Variants in SCARF1 observed in about 807,000 individuals in gnomAD.
The protein encoded by SCARF1 is scavenger receptor class F member 1, also known as acetyl LDL receptor.
SCARF1 carries 49 observed loss-of-function variants against 76.3 expected under a neutral mutation model. That is an observed-to-expected ratio of 0.64 (90% CI 0.51 to 0.81). The LOEUF is 0.81. SCARF1 is among the 40% of genes least tolerant of loss of function. The pLI is 0.00. For missense variants in SCARF1, 1,098 were observed against 1,143.9 expected (o/e 0.96, Z 0.58); for synonymous variants, 495 against 474.6 (o/e 1.04, Z -0.56).
At chr17:1,642,146 C>T (rs574784724) in intron 4 of SCARF1, among the ~76,000 whole-genome samples, 1 of 151,408 alleles carries the variant, frequency 6.6e-6, no homozygotes, top group South Asian at 2.1e-4. Context: ...TTGTAAGAAA[C>T]CATTTTTTTA....
rs1453203766 is a variant in SCARF1 at position 1,640,364 on chromosome 17, G to C, written c.1010+84C>G. 8.0e-7 allele frequency: 1 copy of C among 1,255,828 alleles called. No homozygotes were observed. Among genetic ancestry groups the C allele is most frequent in the African/African-American group, 1.5e-5 (1 of 67,080 alleles). The allele number at this position is 1,255,828 out of a possible 1,614,324, so 77.8% of individuals were successfully genotyped here. A position where few individuals can be genotyped will look rare whatever the true frequency, so the allele number is the denominator to read the frequency against. ...GGGCCGCATGAACCTGTGTGTCGGG[G>C]AGGGTGGTGCTCTCGGAGAGAGCCG... On this transcript the variant is annotated intron_variant, in intron 5 of 10. Transcript: ENST00000263071. This position sits in a 1 kb window ranked among gnomAD's most constrained non-coding sequence, Gnocchi z 4.7.
In SCARF1 at chr17:1,644,843, A is replaced by G. The variant is rs369208547; in HGVS notation, c.256T>C (p.Cys86Arg). 7.4e-6 allele frequency: 12 copies of G among 1,612,780 alleles called. No individual in the cohort carries two copies. The highest frequency in any genetic ancestry group is 1.0e-5 in the Non-Finnish European group (12 of 1,179,754). ...RCKPGFFGAH[C>R]SSRCPGQYWG... ...GGCCCTTGAGACTCACGGGAGCTGC[A>G]GTGGGCCCCAAAGAATCCAGGCTTG... is the stretch of plus-strand genomic sequence containing the variant. Residue 86 changes from cysteine (C) to arginine (R), a missense_variant, in exon 3 of 11, where the codon TGC (cysteine) becomes CGC (arginine). Transcript: ENST00000263071. This position sits in a 1 kb window ranked among gnomAD's most constrained non-coding sequence, Gnocchi z 4.8.
In SCARF1 at chr17:1,635,566, C is replaced by A; in HGVS notation, c.1685G>T (p.Gly562Val). ...GGCGTCCTCAGGGGGCGGGAAAGCA[C>A]CTGCAGCCAGGCTGGCCTCTGACGA... The part of the protein sequence containing the change: ...AGSSEASLAA[G>V]AFPPPEDAST... The change falls in exon 11 of 11, where the codon GGT becomes GTT. Residue 562 changes from glycine (G) to valine (V), a missense_variant. Coordinates refer to ENST00000263071, the MANE Select transcript of SCARF1 (RefSeq NM_003693.4). 1.2e-6 allele frequency: 2 copies of A among 1,609,814 alleles called. No homozygotes were observed. Among genetic ancestry groups the A allele is most frequent in the Non-Finnish European group, 1.7e-6 (2 of 1,179,964 alleles).
chr17:1,637,462 T>TTCTC (rs142680719), intron 8 of SCARF1, among the ~76,000 whole-genome samples: 8 of 148,876 alleles, frequency 5.4e-5, no homozygotes, highest in South Asian at 2.1e-4. Flanking sequence ...CAGCTCACGT[T>TTCTC]TCTCTCTCTC....
intron 8 of SCARF1, among the ~76,000 whole-genome samples, chr17:1,637,937 C>T (rs1275252311): frequency 1.3e-5 from 2 of 152,158 alleles, no homozygotes; most frequent in African/African-American, 2.4e-5. Flanking sequence ...GGCTCTATGC[C>T]CTGGGCCAGG....
Position 1,634,599 on chromosome 17 carries a change from G to C in SCARF1, c.*159C>G. ...CCCAGGCCTTCCTGGGCCCCTCCGG[G>C]AGCACTGCCAGGGGCCTGGGCCAAC... On this transcript the variant is annotated 3_prime_UTR_variant, in exon 11 of 11. Transcript: ENST00000263071. 1 of 992,922 alleles carries C rather than the reference G, an allele frequency of 1.0e-6. No homozygotes were observed. Among genetic ancestry groups the C allele is most frequent in the South Asian group, 2.0e-5 (1 of 49,316 alleles). The allele number at this position is 992,922 out of a possible 1,614,324, so 61.5% of individuals were successfully genotyped here.
Position 1,645,659 on chromosome 17 carries a change from C to A in SCARF1, c.39G>T (p.Trp13Cys), listed in dbSNP as rs771035226. The change falls in exon 1 of 11, where the codon TGG becomes TGT. Residue 13 changes from tryptophan (W) to cysteine (C), a missense_variant. Physicochemically the swap from Trp to Cys is radical, Grantham distance 215. Coordinates refer to ENST00000263071, the MANE Select transcript of SCARF1 (RefSeq NM_003693.4). The surrounding 1 kb of genome is among the most constrained non-coding windows in gnomAD (Gnocchi z 6.3). The stretch of plus-strand genomic sequence containing the variant: ...GCTCGGACCCCTGAGTCCCCCGAGT[C>A]CAGAGCAGCAGCAGCGGGAGCAGCA... ...LGLLLPLLLL[W>C]TRGTQGSELD... 3.1e-6 allele frequency: 5 copies of A among 1,607,310 alleles called. No homozygotes were observed. The Admixed American group carries it at 8.4e-5, about 27-fold the overall frequency.
chr17:1,638,167 T>G (rs1909735390), intron 8 of SCARF1: 1 of 152,280 alleles, frequency 6.6e-6, no homozygotes, highest in African/African-American at 2.4e-5. Flanking sequence ...GTTCCAAACC[T>G]CCACGCTGCT....
chr17:1,639,091 G>A (rs1470652244), intron 7 of SCARF1, among the ~76,000 whole-genome samples, 165 bp from the exon 8 acceptor site: 1 of 152,224 alleles, frequency 6.6e-6, no homozygotes, highest in African/African-American at 2.4e-5. Flanking sequence ...TGCCCCTGAG[G>A]CCATGTCAGT....
intron 10 of SCARF1, among the ~76,000 whole-genome samples, chr17:1,635,859 C>T (rs1909516501): frequency 6.6e-6 from 1 of 151,400 alleles, no homozygotes; most frequent in Non-Finnish European, 1.5e-5. Flanking sequence ...TGGCCTCAAG[C>T]AGTCCTCCCG....
rs747936722 is a variant in SCARF1 at position 1,639,953 on chromosome 17, C to G, written c.1098G>C (p.Val366=). 2 of 1,614,050 alleles carry G rather than the reference C, an allele frequency of 1.2e-6. No homozygotes were observed. Among genetic ancestry groups the G allele is most frequent in the African/African-American group, 2.7e-5 (2 of 75,038 alleles). ...PTCVQGSCDT[V]TGDCVCSAGY... Reference sequence around the variant, plus strand: ...CGGCACTGCAGACACAGTCCCCTGTCACAGTATCACAGGACCCCTGAACAC... The same window carrying G: ...CGGCACTGCAGACACAGTCCCCTGTGACAGTATCACAGGACCCCTGAACAC... Residue 366 remains valine, a synonymous_variant, in exon 6 of 11, where the codon GTG becomes GTC. Transcript: ENST00000263071.
chr17:1,636,784 C>T lies in SCARF1; in HGVS notation c.1558G>A (p.Asp520Asn), dbSNP rs754727687. Residue 520 changes from aspartate to asparagine, a missense_variant, in exon 10 of 11, where the codon GAT (aspartate) becomes AAT (asparagine). Asp to Asn is a conservative substitution (Grantham distance 23, BLOSUM62 1). Transcript: ENST00000263071. ...TCAGGATCGGATGAGAAGGAGTCATCAGTGGCCCAGCCGGCAGAGGGCGGC... is the reference window on the plus strand; with the variant it reads ...TCAGGATCGGATGAGAAGGAGTCATTAGTGGCCCAGCCGGCAGAGGGCGGC... ...IEPPSAGWATDDSFSSDPESG... is the reference protein window; with the variant it reads ...IEPPSAGWATNDSFSSDPESG... 6.8e-6 allele frequency: 11 copies of T among 1,613,998 alleles called. No homozygotes were observed. In the Admixed American group the frequency reaches 1.7e-4, roughly 24 times the overall value.
chr17:1,644,538 G>A lies in SCARF1; in HGVS notation c.265+296C>T. On this transcript the variant is annotated intron_variant, in intron 3 of 10. Coordinates refer to ENST00000263071, the MANE Select transcript of SCARF1 (RefSeq NM_003693.4). This position sits in a 1 kb window ranked among gnomAD's most constrained non-coding sequence, Gnocchi z 4.8. ...CCATGTATAAGGTATATGTGGGAAA[G>A]GCAAGTAATACACTCATTTTACAAT... The A allele has an allele frequency of 7.2e-6, 4 of 556,332 alleles. No homozygotes were observed. The highest frequency in any genetic ancestry group is 1.3e-5 in the Non-Finnish European group (4 of 310,158). 34.5% of individuals were successfully genotyped at this position (556,332 alleles called of 1,614,324 possible). A position where few individuals can be genotyped will look rare whatever the true frequency, so the allele number is the denominator to read the frequency against.
chr17:1,640,634 G>A lies in SCARF1; in HGVS notation c.824C>T (p.Ser275Phe). ...GGACTCACAGCTGCCTGTGTCTGGA[G>A]AGCACGGCTCATTGTGTTTGCAGCG... is the stretch of plus-strand genomic sequence containing the variant. ...CGRCKHNEPC[S>F]PDTGSCESCE... Residue 275 changes from serine to phenylalanine, a missense_variant, in exon 5 of 11, where the codon TCT (serine) becomes TTT (phenylalanine). By Grantham distance (155) the Ser-to-Phe change is radical. Coordinates refer to ENST00000263071, the MANE Select transcript of SCARF1 (RefSeq NM_003693.4). This position sits in a 1 kb window ranked among gnomAD's most constrained non-coding sequence, Gnocchi z 4.7. 6.2e-7 allele frequency: 1 copy of A among 1,612,712 alleles called. No individual in the cohort carries two copies. Among genetic ancestry groups the A allele is most frequent in the Non-Finnish European group, 8.5e-7 (1 of 1,179,718 alleles).
chr17:1,642,453 C>T (rs1051827775), intron 4 of SCARF1, among the ~76,000 whole-genome samples: 3 of 151,178 alleles, frequency 2.0e-5, no homozygotes, highest in East Asian at 3.9e-4. Flanking sequence ...TTTGTTCTCG[C>T]GATAGTTTAC....
In SCARF1 at chr17:1,640,015, T is replaced by C; in HGVS notation, c.1036A>G (p.Thr346Ala). Reference sequence around the variant, plus strand: ...GTAGAGCCACAGTCTTCCCCAAAGGTACCAGTGGGGCAGGGGTCTTCACAC... The same window carrying C: ...GTAGAGCCACAGTCTTCCCCAAAGGCACCAGTGGGGCAGGGGTCTTCACAC... ...PRCEDPCPTG[T>A]FGEDCGSTCP... The change falls in exon 6 of 11, where the codon ACC becomes GCC. Residue 346 changes from threonine to alanine, a missense_variant. Thr to Ala is a moderately conservative substitution (Grantham distance 58, BLOSUM62 0). Transcript: ENST00000263071. This position sits in a 1 kb window ranked among gnomAD's most constrained non-coding sequence, Gnocchi z 4.7. The C allele has an allele frequency of 2.5e-6, 4 of 1,613,774 alleles. No homozygotes were observed. Among genetic ancestry groups the C allele is most frequent in the Non-Finnish European group, 3.4e-6 (4 of 1,179,974 alleles).
chr17:1,642,370 T>G (rs1910129100), intron 4 of SCARF1, among the ~76,000 whole-genome samples: 1 of 119,572 alleles, frequency 8.4e-6, no homozygotes, highest in African/African-American at 3.2e-5. Flanking sequence ...GAGTGTGATA[T>G]TCCCCTTCCT....
intron 6 of SCARF1, 59 bp downstream of exon 6, chr17:1,639,853 G>A (rs1385659974): frequency 1.2e-6 from 2 of 1,609,886 alleles, no homozygotes; most frequent in African/African-American, 2.7e-5. Flanking sequence ...AGGAAATGCT[G>A]CACAGAGCCC....
Position 1,645,370 on chromosome 17 carries a change from C to T in SCARF1, c.102-131G>A, listed in dbSNP as rs1332701948. 2 of 1,407,992 alleles carry T rather than the reference C, an allele frequency of 1.4e-6. No homozygotes were observed. Among genetic ancestry groups the T allele is most frequent in the Non-Finnish European group, 9.6e-7 (1 of 1,039,032 alleles). 87.2% of individuals were successfully genotyped at this position (1,407,992 alleles called of 1,614,324 possible). On this transcript the variant is annotated intron_variant, in intron 1 of 10. Transcript: ENST00000263071. This position sits in a 1 kb window ranked among gnomAD's most constrained non-coding sequence, Gnocchi z 6.3. ...CCTGGGGAGGCCTAATGGATCTTTA[C>T]AGCTAGGGTCCCCAGCCCCTCCCCT...
Sources: gnomAD v4.1 joint callset for allele counts (sites outside exome capture counted in the v4.1 genomes callset) on GRCh38, gnomAD v4.1.1 for gene constraint, Gnocchi (gnomAD v3.1) non-coding constraint, MANE v1.5 for transcripts, NCBI Gene and HGNC (gene_info 2026-07-23, HGNC 2026-07-21) for gene names.